Variants in LINGO2 observed in about 807,000 individuals in gnomAD.
LINGO2 encodes leucine-rich repeat and immunoglobulin-like domain-containing nogo receptor-interacting protein 2.
LINGO2 carries 14 observed loss-of-function variants against 30.6 expected under a neutral mutation model. The observed-to-expected ratio is 0.46, with a 90% confidence interval of 0.30 to 0.72. LINGO2 has a LOEUF of 0.72. LINGO2 is among the 30% of genes least tolerant of loss of function. The pLI, the probability that LINGO2 is intolerant of heterozygous loss-of-function variation, is 0.07. For missense variants in LINGO2, 729 were observed against 751.7 expected, an observed-to-expected ratio of 0.97 and a Z score of 0.35; for synonymous variants, 317 against 288.5, an observed-to-expected ratio of 1.10 and a Z score of -1.00.
intron 4 of LINGO2, among the ~76,000 whole-genome samples, chr9:28,263,672 T>C (rs1323295459): frequency 6.6e-6 from 1 of 152,034 alleles, no homozygotes; most frequent in Non-Finnish European, 1.5e-5. Flanking sequence ...GCCACGTATG[T>C]AGTGTGGTTG....
chr9:28,010,719 G>C (rs1263687146), intron 5 of LINGO2, among the ~76,000 whole-genome samples: 3 of 152,220 alleles, frequency 2.0e-5, no homozygotes, highest in African/African-American at 7.2e-5. Flanking sequence ...TTGGGAGGCA[G>C]AGATGGGAGG....
chr9:27,947,340 A>G (rs1823403779), downstream of LINGO2, among the ~76,000 whole-genome samples: 1 of 152,218 alleles, frequency 6.6e-6, no homozygotes, highest in African/African-American at 2.4e-5. Flanking sequence ...AGTAACAGTC[A>G]TTAATACAAA....
chr9:28,178,995 A>G (rs1055683373), intron 4 of LINGO2, among the ~76,000 whole-genome samples: 3 of 152,128 alleles, frequency 2.0e-5, no homozygotes, highest in African/African-American at 7.2e-5. Flanking sequence ...AGAGAGACAA[A>G]TTGAGACTCA....
At chr9:28,673,928 A>G (rs1425661564), upstream of LINGO2, among the ~76,000 whole-genome samples, 1 of 151,992 alleles carries the variant, frequency 6.6e-6, no homozygotes, top group Non-Finnish European at 1.5e-5. Context: ...AACAGACAAA[A>G]GATACCCCCA....
the LINGO2 span, among the ~76,000 whole-genome samples, chr9:28,791,973 C>T: frequency 6.6e-6 from 1 of 151,038 alleles, no homozygotes; most frequent in Non-Finnish European, 1.5e-5. Flanking sequence ...ATGTTCTCAT[C>T]TCTAAAATAC....
rs142719935 is a variant in LINGO2, at chr9:28,517,987, A to G, written c.-364-41962T>C. Among the ~76,000 whole-genome samples, 48 of 152,316 alleles carry G rather than the reference A, an allele frequency of 3.2e-4. No homozygotes were observed. In the East Asian group the frequency reaches 8.3e-3, roughly 26 times the overall value. Reference sequence around the variant, plus strand: ...TCTGGAAATGAGAAACGCAAAGCCAATTGGATTCCAAGATCTTATTTCTGT... The same window carrying G: ...TCTGGAAATGAGAAACGCAAAGCCAGTTGGATTCCAAGATCTTATTTCTGT... On this transcript the variant is annotated intron_variant, in intron 1 of 5. Coordinates refer to ENST00000379992, the Ensembl canonical transcript of LINGO2.
chr9:28,775,401 T>C, the LINGO2 span, among the ~76,000 whole-genome samples: 4 of 152,322 alleles, frequency 2.6e-5, no homozygotes, highest in South Asian at 2.1e-4. Context: ...GTGGAAACTA[T>C]CTGTGCATAG....
intron 4 of LINGO2, among the ~76,000 whole-genome samples, chr9:28,237,606 T>C (rs925125039): frequency 1.3e-5 from 2 of 152,082 alleles, no homozygotes; most frequent in Non-Finnish European, 2.9e-5. Flanking sequence ...TCCCAGCACT[T>C]TGGAAGGCCG....
chr9:29,164,671 TA>T, the LINGO2 span, among the ~76,000 whole-genome samples: 1 of 151,902 alleles, frequency 6.6e-6, no homozygotes, highest in South Asian at 2.1e-4. Context: ...CTACAAATAT[TA>T]AAACTAGATA....
chr9:29,073,707 A>C, the LINGO2 span, among the ~76,000 whole-genome samples: 1 of 152,170 alleles, frequency 6.6e-6, no homozygotes, highest in African/African-American at 2.4e-5. Flanking sequence ...TTTTACAGAA[A>C]AGAGATTCCA....
the LINGO2 span, among the ~76,000 whole-genome samples, chr9:29,160,114 T>G: frequency 6.6e-6 from 1 of 152,206 alleles, no homozygotes; most frequent in Middle Eastern, 3.2e-3. Context: ...CACAGATTGC[T>G]GGGCCCCCAC....
the LINGO2 span, among the ~76,000 whole-genome samples, chr9:28,689,325 T>C: frequency 6.6e-6 from 1 of 152,122 alleles, no homozygotes; most frequent in South Asian, 2.1e-4. Flanking sequence ...AGCCGACTAA[T>C]CTTGGAAGTG....
chr9:28,371,980 C>T (rs546490646), intron 3 of LINGO2, among the ~76,000 whole-genome samples: 1 of 152,054 alleles, frequency 6.6e-6, no homozygotes, highest in South Asian at 2.1e-4. Flanking sequence ...TGAAGGTCAG[C>T]CAAACAATGT....
At chr9:28,941,021 A>G in the LINGO2 span, among the ~76,000 whole-genome samples, 1 of 151,910 alleles carries the variant, frequency 6.6e-6, no homozygotes, top group South Asian at 2.1e-4. Flanking sequence ...TCCACAAAAA[A>G]AAATAAAAGA....
At chr9:28,304,515 TG>T (rs748093908) in intron 3 of LINGO2, among the ~76,000 whole-genome samples, 1 of 152,036 alleles carries the variant, frequency 6.6e-6, no homozygotes, top group African/African-American at 2.4e-5. Context: ...AGAATATTTC[TG>T]CACCCCAGAA....
At chr9:28,544,181 C>T (rs180708483) in intron 1 of LINGO2, among the ~76,000 whole-genome samples, 6 of 151,376 alleles carry the variant, frequency 4.0e-5, no homozygotes, top group East Asian at 1.9e-4. Context: ...CCAGTCTGGG[C>T]GACAGGAATA....
intron 3 of LINGO2, among the ~76,000 whole-genome samples, chr9:28,330,703 A>C (rs543683960): frequency 2.0e-5 from 3 of 152,318 alleles, no homozygotes; most frequent in Admixed American, 2.0e-4. Context: ...CATGGTGGGC[A>C]GGTCTAAAGC....
Position 27,967,301 on chromosome 9 carries a change from T to G in LINGO2, c.-35-16595A>C, listed in dbSNP as rs188709523. Among the ~76,000 whole-genome samples the G allele has an allele frequency of 2.6e-3, 403 of 152,260 alleles. 1 individual carries two copies. Among genetic ancestry groups the G allele is most frequent in the Middle Eastern group, 0.01 (3 of 294 alleles). On this transcript the variant is annotated intron_variant, in intron 5 of 5. Coordinates refer to ENST00000379992, the Ensembl canonical transcript of LINGO2. ...TGTGGCTCCTCCCTCTTCTAGGTCT[T>G]TGAAGTCCTTTCCATTTGACATGAA...
chr9:28,580,688 C>A (rs2135649071), intron 1 of LINGO2, among the ~76,000 whole-genome samples: 1 of 152,084 alleles, frequency 6.6e-6, no homozygotes, highest in Admixed American at 6.6e-5. Context: ...AGGGCACCAG[C>A]ACTTTGGCAT....
Sources: gnomAD v4.1 joint callset for allele counts (sites outside exome capture counted in the v4.1 genomes callset) on GRCh38, gnomAD v4.1.1 for gene constraint, MANE v1.5 for transcripts, NCBI Gene and HGNC (gene_info 2026-07-23, HGNC 2026-07-21) for gene names.